TCEA1: variants seen among roughly 807,000 people sequenced by gnomAD.
TCEA1 encodes the protein transcription elongation factor A protein 1.
Under a neutral mutation model 43.8 loss-of-function variants are expected in TCEA1, and 21 were observed. The observed-to-expected ratio is 0.48, with a 90% confidence interval of 0.34 to 0.69. The LOEUF (loss-of-function observed/expected upper bound fraction) is 0.69, where lower values mean the gene tolerates loss of function less well. Among genes scored for constraint, TCEA1 ranks in the 30% least tolerant of loss-of-function variants. The pLI, the probability that TCEA1 is intolerant of heterozygous loss-of-function variation, is 0.01. For missense variants in TCEA1, 250 were observed against 365.1 expected (o/e 0.68, Z 2.57); for synonymous variants, 104 against 117.5 (o/e 0.88, Z 0.75).
rs1056360674 is a variant in TCEA1, at chr8:53,986,944, T to C, written c.523+25A>G. 39 of 1,540,514 alleles carry C rather than the reference T, an allele frequency of 2.5e-5. 1 individual carries two copies. Among genetic ancestry groups the C allele is most frequent in the Non-Finnish European group, 3.2e-5 (37 of 1,144,318 alleles). On this transcript the variant is annotated intron_variant, in intron 6 of 9. Coordinates refer to ENST00000521604, the MANE Select transcript of TCEA1 (RefSeq NM_006756.4). ...AAATATTACTTATTAAAAAAAACAA[T>C]TATGAATATACACACAAAGGATATC...
At chr8:53,990,706 CTG>C (rs1803848884) in intron 4 of TCEA1, among the ~76,000 whole-genome samples, 1 of 152,212 alleles carries the variant, frequency 6.6e-6, no homozygotes, top group African/African-American at 2.4e-5. Context: ...GCTTTTGCTT[CTG>C]TGTCTGTAGC....
chr8:54,001,589 A>G (rs1804264009), intron 2 of TCEA1, among the ~76,000 whole-genome samples: 1 of 152,224 alleles, frequency 6.6e-6, no homozygotes, highest in Non-Finnish European at 1.5e-5. Context: ...GAAATAACTT[A>G]TTAGTGTGGT....
chr8:53,996,362 C>T (rs1804051904), intron 3 of TCEA1, among the ~76,000 whole-genome samples: 1 of 152,246 alleles, frequency 6.6e-6, no homozygotes, highest in African/African-American at 2.4e-5. Flanking sequence ...CAACTGTGTG[C>T]AAGGTATTTA....
intron 1 of TCEA1, among the ~76,000 whole-genome samples, chr8:54,012,433 G>GCCTGTAAT (rs1804680269): frequency 1.3e-5 from 2 of 152,144 alleles, no homozygotes; most frequent in African/African-American, 4.8e-5. Context: ...GGTGGCGGGT[G>GCCTGTAAT]CCTGTAATCC....
intron 6 of TCEA1, among the ~76,000 whole-genome samples, chr8:53,986,672 C>T (rs1468524374): frequency 6.6e-6 from 1 of 152,146 alleles, no homozygotes; most frequent in East Asian, 1.9e-4. Context: ...TTTTAAACTT[C>T]GCTGTTTCTA....
intron 4 of TCEA1, among the ~76,000 whole-genome samples, chr8:53,991,328 G>A (rs557263047): frequency 9.9e-5 from 15 of 152,152 alleles, no homozygotes; most frequent in African/African-American, 3.6e-4. Flanking sequence ...GGGGGACAGA[G>A]GTTGCAGTGA....
In TCEA1 at chr8:53,980,043, A is replaced by G. The variant is rs143594018; in HGVS notation, c.679-872T>C. Among the ~76,000 whole-genome samples, 10 of 152,216 alleles carry G rather than the reference A, an allele frequency of 6.6e-5. No individual in the cohort carries two copies. In the East Asian group the frequency reaches 1.4e-3, roughly 21 times the overall value. ...CCTGCATGGCCAGCCTTGCATTAATAAAACTCTTTCTTAACCGCAATAGCG... is the reference window on the plus strand; with the variant it reads ...CCTGCATGGCCAGCCTTGCATTAATGAAACTCTTTCTTAACCGCAATAGCG... On this transcript the variant is annotated intron_variant, in intron 7 of 9. Transcript: ENST00000521604.
At chr8:54,014,949 A>C (rs1554534814) in intron 1 of TCEA1, among the ~76,000 whole-genome samples, 1 of 152,230 alleles carries the variant, frequency 6.6e-6, no homozygotes, top group Non-Finnish European at 1.5e-5. Context: ...ACACAGATAA[A>C]GTATCAAAAT....
chr8:53,970,538 A>C (rs951137765), intron 8 of TCEA1, 75 bp from the exon 9 acceptor site: 8 of 704,626 alleles, frequency 1.1e-5, no homozygotes, highest in African/African-American at 5.4e-5. Context: ...TTATACATAA[A>C]GATATATATT....
At chr8:53,994,040 T>C (rs982370604) in intron 3 of TCEA1, among the ~76,000 whole-genome samples, 2 of 152,206 alleles carry the variant, frequency 1.3e-5, no homozygotes, top group Non-Finnish European at 2.9e-5. Flanking sequence ...TATGGAAATA[T>C]CTGCACTGTT....
chr8:53,989,713 A>T (rs1437441684), intron 4 of TCEA1, among the ~76,000 whole-genome samples: 1 of 152,180 alleles, frequency 6.6e-6, no homozygotes, highest in African/African-American at 2.4e-5. Context: ...CTCAGTGATA[A>T]ATGAATGAGC....
At chr8:54,011,560 T>C (rs1804652794) in intron 1 of TCEA1, among the ~76,000 whole-genome samples, 1 of 152,258 alleles carries the variant, frequency 6.6e-6, no homozygotes, top group Admixed American at 6.5e-5. Context: ...GCCAATGATA[T>C]GTGTACCTAT....
At chr8:53,976,586 A>C (rs192054468) in intron 8 of TCEA1, among the ~76,000 whole-genome samples, 1 of 152,354 alleles carries the variant, frequency 6.6e-6, no homozygotes, top group Non-Finnish European at 1.5e-5. Context: ...CCTTTTGCTA[A>C]AAGAAACAAA....
intron 3 of TCEA1, among the ~76,000 whole-genome samples, chr8:53,996,918 T>TTTTTTTTTTTTTTTTTTTTG (rs1471902060): frequency 6.7e-6 from 1 of 149,012 alleles, no homozygotes; most frequent in African/African-American, 2.5e-5. Context: ...TTTTTTTTTT[T>TTTTTTTTTTTTTTTTTTTTG]AGACAGACTC....
chr8:54,012,578 C>CA (rs1479631798), intron 1 of TCEA1, among the ~76,000 whole-genome samples: 5 of 151,810 alleles, frequency 3.3e-5, no homozygotes, highest in East Asian at 3.9e-4. Flanking sequence ...AAAAACAAAA[C>CA]AAAAAAAAGA....
chr8:53,969,643 A>G (rs1803099749), intron 9 of TCEA1, among the ~76,000 whole-genome samples: 1 of 152,222 alleles, frequency 6.6e-6, no homozygotes, highest in African/African-American at 2.4e-5. Context: ...TACATTTAAT[A>G]CATAAGAACA....
chr8:53,971,047 A>C (rs764367190), intron 8 of TCEA1, among the ~76,000 whole-genome samples: 8 of 152,206 alleles, frequency 5.3e-5, no homozygotes, highest in Non-Finnish European at 1.0e-4. Context: ...CACAACACTA[A>C]AAACAAATAT....
intron 8 of TCEA1, among the ~76,000 whole-genome samples, chr8:53,977,708 T>C (rs1329719153): frequency 3.3e-5 from 5 of 152,056 alleles, no homozygotes; most frequent in Admixed American, 2.0e-4. Context: ...AAGACAGTGA[T>C]AAAAAAAATT....
intron 8 of TCEA1, chr8:53,973,125 G>C: frequency 1.6e-6 from 1 of 613,108 alleles, no homozygotes; most frequent in South Asian, 1.5e-5. Context: ...GGAGCTACAA[G>C]GTGATGATGA....
Sources: gnomAD v4.1 joint callset for allele counts (sites outside exome capture counted in the v4.1 genomes callset) on GRCh38, gnomAD v4.1.1 for gene constraint, MANE v1.5 for transcripts, NCBI Gene and HGNC (gene_info 2026-07-23, HGNC 2026-07-21) for gene names.